The following TIAM1 variants were observed in gnomAD, a reference collection of about 807,000 sequenced individuals.
TIAM1 encodes the protein TIAM Rac1 associated GEF 1, also known as rho guanine nucleotide exchange factor TIAM1.
In TIAM1, 65 loss-of-function variants were observed where a neutral mutation model predicts 163.5. That is an observed-to-expected ratio of 0.40 (90% CI 0.33 to 0.49). The LOEUF (loss-of-function observed/expected upper bound fraction) is 0.49. TIAM1 is among the 20% of genes least tolerant of loss of function. The pLI is 0.77. For missense variants in TIAM1, 1,789 were observed against 2,044.7 expected, an observed-to-expected ratio of 0.87 and a Z score of 2.41; for synonymous variants, 833 against 810.1, an observed-to-expected ratio of 1.03 and a Z score of -0.48.
intron 2 of TIAM1, among the ~76,000 whole-genome samples, chr21:31,372,791 C>G (rs2076618221): frequency 6.6e-6 from 1 of 151,960 alleles, no homozygotes. Flanking sequence ...TGCGGTGGCT[C>G]ACACCTGTAA....
chr21:31,443,899 CATAAT>C (rs2044524419), intron 2 of TIAM1, among the ~76,000 whole-genome samples: 1 of 152,104 alleles, frequency 6.6e-6, no homozygotes, highest in Non-Finnish European at 1.5e-5. Context: ...TGACTGGTTA[CATAAT>C]ATAAAACATC....
intron 2 of TIAM1, among the ~76,000 whole-genome samples, chr21:31,329,982 G>A (rs993018215): frequency 3.9e-5 from 6 of 152,182 alleles, no homozygotes; most frequent in Non-Finnish European, 8.8e-5. Flanking sequence ...CGACTACCAA[G>A]ATCTTTCAAC....
intron 4 of TIAM1, among the ~76,000 whole-genome samples, chr21:31,257,671 G>C (rs1251909507): frequency 9.9e-5 from 15 of 152,058 alleles, no homozygotes; most frequent in Admixed American, 9.8e-4. Flanking sequence ...GGAGCAATGT[G>C]GAGGACTCCT....
At chr21:31,213,327 CA>C (rs764322167) in intron 10 of TIAM1, 70 bp downstream of exon 10, 1 of 1,340,558 alleles carries the variant, frequency 7.5e-7, no homozygotes, top group Non-Finnish European at 1.0e-6. Flanking sequence ...TAGCTCAAGA[CA>C]ACACTGCACC....
intron 1 of TIAM1, among the ~76,000 whole-genome samples, chr21:31,499,077 A>G (rs1159264534): frequency 1.3e-5 from 2 of 152,164 alleles, no homozygotes; most frequent in Non-Finnish European, 2.9e-5. Flanking sequence ...GATGGGATCT[A>G]TTTATTTGGC....
At chr21:31,183,879 G>C (rs1326350395) in intron 14 of TIAM1, among the ~76,000 whole-genome samples, 1 of 151,590 alleles carries the variant, frequency 6.6e-6, no homozygotes, top group Non-Finnish European at 1.5e-5. Flanking sequence ...ATTTTCAGTA[G>C]GGACGGGGTT....
At chr21:31,408,905 T>C (rs1170956856) in intron 2 of TIAM1, among the ~76,000 whole-genome samples, 1 of 152,122 alleles carries the variant, frequency 6.6e-6, no homozygotes, top group Non-Finnish European at 1.5e-5. Context: ...ATCTATGGTT[T>C]ACAAAGCTTC....
intron 1 of TIAM1, among the ~76,000 whole-genome samples, chr21:31,522,689 G>A (rs527359353): frequency 3.3e-5 from 5 of 152,190 alleles, no homozygotes; most frequent in Admixed American, 1.3e-4. Flanking sequence ...CTTCTAACAC[G>A]AATGTTCCAC....
At chr21:31,373,400 G>C (rs892893262) in intron 2 of TIAM1, among the ~76,000 whole-genome samples, 1 of 152,056 alleles carries the variant, frequency 6.6e-6, no homozygotes. Flanking sequence ...CCACATGGCT[G>C]GGGAGGCCTC....
At chr21:31,288,765 A>C (rs893133118) in intron 2 of TIAM1, among the ~76,000 whole-genome samples, 5 of 152,196 alleles carry the variant, frequency 3.3e-5, no homozygotes, top group Admixed American at 2.0e-4. Context: ...AGAGGCCAGA[A>C]GTTTCAAACA....
chr21:31,348,851 A>ACTC (rs2076190755), upstream of TIAM1, among the ~76,000 whole-genome samples: 1 of 152,250 alleles, frequency 6.6e-6, no homozygotes, highest in African/African-American at 2.4e-5. Context: ...AGAATGTTTT[A>ACTC]CAACTTCAAA....
At chr21:31,222,693 ATATATATATATATATTTTTTTTT>A (rs1362639616) in intron 8 of TIAM1, among the ~76,000 whole-genome samples, 104 of 39,912 alleles carry the variant, frequency 2.6e-3, no homozygotes, top group African/African-American at 8.1e-3. Flanking sequence ...ATATATATAT[ATATATATATATATATTTTTTTTT>A]TTTTTTTTTT....
intron 2 of TIAM1, among the ~76,000 whole-genome samples, chr21:31,363,599 CT>C (rs2147140184): frequency 1.3e-5 from 2 of 152,150 alleles, no homozygotes; most frequent in African/African-American, 4.8e-5. Flanking sequence ...ATGTCTTCTC[CT>C]TGATTAACAC....
At chr21:31,182,076 C>T (rs1426057257) in intron 15 of TIAM1, among the ~76,000 whole-genome samples, 1 of 151,822 alleles carries the variant, frequency 6.6e-6, no homozygotes, top group African/African-American at 2.4e-5. Context: ...AGCCACCACA[C>T]GTGGCCCAAT....
intron 4 of TIAM1, among the ~76,000 whole-genome samples, chr21:31,263,207 T>C (rs2072576418): frequency 6.6e-6 from 1 of 151,976 alleles, no homozygotes; most frequent in African/African-American, 2.4e-5. Context: ...CCACAAGAGG[T>C]TTCCATGCAT....
chr21:31,196,274 T>G (rs1233552401), intron 12 of TIAM1, among the ~76,000 whole-genome samples: 1 of 151,870 alleles, frequency 6.6e-6, no homozygotes, highest in Non-Finnish European at 1.5e-5. Context: ...CAAATGTTGG[T>G]GAGGCTGCAG....
At chr21:31,268,709 G>A (rs1569138902) in intron 3 of TIAM1, among the ~76,000 whole-genome samples, 1 of 152,010 alleles carries the variant, frequency 6.6e-6, no homozygotes, top group Non-Finnish European at 1.5e-5. Flanking sequence ...TAAGAAGCAA[G>A]AAAAAAGATA....
chr21:31,518,826 CAT>C (rs1166834959), intron 1 of TIAM1, among the ~76,000 whole-genome samples: 1 of 152,220 alleles, frequency 6.6e-6, no homozygotes, highest in Non-Finnish European at 1.5e-5. Context: ...AGTGAATCCA[CAT>C]GTTGCTTTCT....
intron 12 of TIAM1, among the ~76,000 whole-genome samples, chr21:31,196,706 T>C (rs919593441): frequency 1.3e-5 from 2 of 152,104 alleles, no homozygotes; most frequent in Non-Finnish European, 2.9e-5. Flanking sequence ...TCAAAGAACT[T>C]AGAACTACCG....
Sources: gnomAD v4.1 joint callset for allele counts (sites outside exome capture counted in the v4.1 genomes callset) on GRCh38, gnomAD v4.1.1 for gene constraint, MANE v1.5 for transcripts, NCBI Gene and HGNC (gene_info 2026-07-23, HGNC 2026-07-21) for gene names.